Variants in EIF5A observed in about 807,000 individuals in gnomAD.
EIF5A encodes the protein eukaryotic translation initiation factor 5A.
EIF5A carries 1 observed loss-of-function variant against 16.6 expected under a neutral mutation model. The observed-to-expected ratio is 0.06, with a 90% CI of 0.02 to 0.28. EIF5A has a LOEUF of 0.28. Among genes scored for constraint, EIF5A ranks in the 10% least tolerant of loss-of-function variants. EIF5A has a pLI of 1.00. For missense variants in EIF5A, 29 were observed against 196.1 expected (o/e 0.15, Z 5.09); for synonymous variants, 80 against 73.6 (o/e 1.09, Z -0.44).
intron 1 of EIF5A, chr17:7,308,432 A>G: frequency 1.5e-6 from 2 of 1,318,960 alleles, no homozygotes; most frequent in Middle Eastern, 5.1e-4. Flanking sequence ...AGGGGGCCTG[A>G]GATTTTGAGG....
Position 7,312,318 on chromosome 17 carries a change from G to A in EIF5A, c.*508G>A. 5.2e-6 allele frequency: 1 copy of A among 193,958 alleles called. No individual in the cohort carries two copies. Among genetic ancestry groups the A allele is most frequent in the Non-Finnish European group, 1.2e-5 (1 of 83,628 alleles). 12.0% of individuals were successfully genotyped at this position (193,958 alleles called of 1,614,324 possible). Reference sequence around the variant, plus strand: ...CCCTTTAGATGGGGAGGGAAGAGGAGGAGAGGGGAGGGGACCTGCCCCCTC... The same window carrying A: ...CCCTTTAGATGGGGAGGGAAGAGGAAGAGAGGGGAGGGGACCTGCCCCCTC... On this transcript the variant is annotated 3_prime_UTR_variant, in exon 6 of 6. Transcript: ENST00000336458.
chr17:7,312,000 T>G lies in EIF5A; in HGVS notation c.*190T>G, dbSNP rs1326910810. The stretch of plus-strand genomic sequence containing the variant: ...GCCCCTGCCCTTCACCTAGCTCCCT[T>G]GGCCAGGAGCGAGCGAAGCTGTGGC... On this transcript the variant is annotated 3_prime_UTR_variant, in exon 6 of 6. Transcript: ENST00000336458. The G allele has an allele frequency of 5.9e-6, 2 of 340,880 alleles. No homozygotes were observed. Among genetic ancestry groups the G allele is most frequent in the Non-Finnish European group, 1.1e-5 (2 of 174,262 alleles). The allele number at this position is 340,880 out of a possible 1,614,324, so 21.1% of individuals were successfully genotyped here. A position where few individuals can be genotyped will look rare whatever the true frequency, so the allele number is the denominator to read the frequency against.
rs1352975963 is a variant in EIF5A, at chr17:7,307,672, C to T, written c.-102C>T. The T allele has an allele frequency of 5.2e-5, 55 of 1,048,938 alleles. No individual in the cohort carries two copies. The highest frequency in any genetic ancestry group is 6.0e-5 in the Non-Finnish European group (52 of 871,598). 65.0% of individuals were successfully genotyped at this position (1,048,938 alleles called of 1,614,324 possible). ...GCAGCGGCGGCGGCGGTAGAGGCGGCGGCGGCGGCGGCAGCGGGCTCGGAG... is the reference window on the plus strand; with the variant it reads ...GCAGCGGCGGCGGCGGTAGAGGCGGTGGCGGCGGCGGCAGCGGGCTCGGAG... On this transcript the variant is annotated 5_prime_UTR_variant, in exon 1 of 6. Transcript: ENST00000336458.
In EIF5A at chr17:7,311,291, C is replaced by T. The variant is rs113447031; in HGVS notation, c.271-59C>T. 5 of 1,612,902 alleles carry T rather than the reference C, an allele frequency of 3.1e-6. No individual in the cohort carries two copies. In the Admixed American group the frequency reaches 6.7e-5, roughly 22 times the overall value. On this transcript the variant is annotated intron_variant, in intron 3 of 5. Coordinates refer to ENST00000336458, the MANE Select transcript of EIF5A (RefSeq NM_001970.5). Reference sequence around the variant, plus strand: ...TCCAGTTTGTCTATCAGAGCCTTTACTGTCATGTCAGCCTCCCTGGGCCTA... The same window carrying T: ...TCCAGTTTGTCTATCAGAGCCTTTATTGTCATGTCAGCCTCCCTGGGCCTA...
At chr17:7,308,763 CGGTTT>C (rs1465134654) in intron 1 of EIF5A, among the ~76,000 whole-genome samples, 1 of 152,140 alleles carries the variant, frequency 6.6e-6, no homozygotes, top group Non-Finnish European at 1.5e-5. Flanking sequence ...GGGAGTTCCA[CGGTTT>C]CGAAGTCCTT....
upstream of EIF5A, chr17:7,307,521 G>C (rs1263353369): frequency 3.9e-6 from 4 of 1,020,566 alleles, no homozygotes; most frequent in Non-Finnish European, 4.7e-6. Flanking sequence ...GATGGGTAGG[G>C]TGTGTGCGCT....
chr17:7,311,193 G>T, intron 3 of EIF5A, 71 bp downstream of exon 3: 1 of 1,586,094 alleles, frequency 6.3e-7, no homozygotes, highest in South Asian at 1.1e-5. Context: ...GATAGGGACT[G>T]ACCAGGAGAG....
chr17:7,311,678 C>T (rs1430861784), intron 5 of EIF5A, 27 bp downstream of exon 5: 9 of 1,613,236 alleles, frequency 5.6e-6, no homozygotes, highest in South Asian at 4.4e-5. Flanking sequence ...CCTCACTGTC[C>T]CCTTCACATT....
At chr17:7,310,098 C>T in intron 2 of EIF5A, 1 of 1,380,598 alleles carries the variant, frequency 7.2e-7, no homozygotes, top group Non-Finnish European at 9.5e-7. Flanking sequence ...TTCAGTTGCT[C>T]CTTCCTTATT....
At chr17:7,311,309 TGG>T in intron 3 of EIF5A, 39 bp from the exon 4 acceptor site, 1 of 1,613,704 alleles carries the variant, frequency 6.2e-7, no homozygotes, top group Non-Finnish European at 8.5e-7. Context: ...TCAGCCTCCC[TGG>T]GCCTACTACC....
intron 3 of EIF5A, 72 bp downstream of exon 3, chr17:7,311,194 A>G (rs1391264920): frequency 1.3e-5 from 21 of 1,585,978 alleles, no homozygotes; most frequent in Non-Finnish European, 1.8e-5. Context: ...ATAGGGACTG[A>G]CCAGGAGAGC....
At chr17:7,311,289 T>G in intron 3 of EIF5A, 61 bp from the exon 4 acceptor site, 1 of 1,612,778 alleles carries the variant, frequency 6.2e-7, no homozygotes, top group Non-Finnish European at 8.5e-7. Context: ...TCAGAGCCTT[T>G]ACTGTCATGT....
At chr17:7,307,618 C>G (rs1347504812), upstream of EIF5A, 5 of 1,023,532 alleles carry the variant, frequency 4.9e-6, no homozygotes, top group African/African-American at 8.7e-5. Context: ...AGTGGGGAGT[C>G]GGCGCCTGCG....
rs538040242 is a variant in EIF5A, at chr17:7,312,295, C to CT, written c.*488dup. Reference sequence around the variant, plus strand: ...CCTGCCTGTGTCTCTCCCCAAACCCCTTTAGATGGGGAGGGAAGAGGAGGA... The same window carrying CT: ...CCTGCCTGTGTCTCTCCCCAAACCCCTTTTAGATGGGGAGGGAAGAGGAGGA... On this transcript the variant is annotated 3_prime_UTR_variant, in exon 6 of 6. Transcript: ENST00000336458. The CT allele has an allele frequency of 2.6e-4, 51 of 193,140 alleles. No individual in the cohort carries two copies. The South Asian group carries it at 5.3e-3, about 20-fold the overall frequency. 12.0% of individuals were successfully genotyped at this position (193,140 alleles called of 1,614,324 possible).
rs780066676 is a variant in EIF5A, at chr17:7,310,989, G to C, written c.166-29G>C. ...ATTTCCTCCGTTTTAGAGTTTGGTT[G>C]GGTTTCTCTTTGTGATGCATACATA... On this transcript the variant is annotated intron_variant, in intron 2 of 5. Transcript: ENST00000336458. 11 of 1,595,122 alleles carry C rather than the reference G, an allele frequency of 6.9e-6. No individual in the cohort carries two copies. In the East Asian group the frequency reaches 1.8e-4, roughly 26 times the overall value.
intron 2 of EIF5A, chr17:7,310,552 T>C (rs543162153): frequency 1.8e-6 from 2 of 1,089,850 alleles, no homozygotes; most frequent in Non-Finnish European, 1.1e-6. Context: ...TCTGGCTTCC[T>C]TATTTTCTAG....
intron 1 of EIF5A, among the ~76,000 whole-genome samples, chr17:7,309,128 A>T (rs2072732426): frequency 7.9e-6 from 1 of 127,228 alleles, no homozygotes; most frequent in Non-Finnish European, 1.7e-5. Context: ...TTGTGTGTGG[A>T]TGGGGGGGGG....
At chr17:7,307,555 G>A, upstream of EIF5A, 4 of 1,008,204 alleles carry the variant, frequency 4.0e-6, no homozygotes, top group South Asian at 3.8e-5. Flanking sequence ...GGTGGAGGGC[G>A]GAGGAGATAG....
At position 7,308,312 on chromosome 17, in the gene EIF5A, C is replaced by T. The variant is rs532468925; in HGVS notation, c.-22+560C>T. ...AGCGTGGACCGGGGCCGCATGGCAG[C>T]GCGGGGACCCCTCCCCCCAGGTCCC... On this transcript the variant is annotated intron_variant, in intron 1 of 5. Coordinates refer to ENST00000336458, the MANE Select transcript of EIF5A (RefSeq NM_001970.5). 3.5e-6 allele frequency: 4 copies of T among 1,151,174 alleles called. No individual in the cohort carries two copies. The South Asian group carries it at 6.6e-5, about 19-fold the overall frequency. The allele number at this position is 1,151,174 out of a possible 1,614,324, so 71.3% of individuals were successfully genotyped here. A position where few individuals can be genotyped will look rare whatever the true frequency, so the allele number is the denominator to read the frequency against.
Sources: gnomAD v4.1 joint callset for allele counts (sites outside exome capture counted in the v4.1 genomes callset) on GRCh38, gnomAD v4.1.1 for gene constraint, MANE v1.5 for transcripts, NCBI Gene and HGNC (gene_info 2026-07-23, HGNC 2026-07-21) for gene names.